The following NRXN1 variants were observed in gnomAD, a reference collection of about 807,000 sequenced individuals.
The protein encoded by NRXN1 is neurexin 1.
NRXN1 carries 39 observed loss-of-function variants against 150.9 expected under a neutral mutation model. The observed-to-expected ratio is 0.26, with a 90% confidence interval of 0.20 to 0.34. The LOEUF is 0.34. Ranked by LOEUF, NRXN1 falls within the 10% of genes least tolerant of loss-of-function variation. The probability of loss-of-function intolerance (pLI) is 1.00; values close to 1 mark genes in which losing one functional copy is unlikely to be tolerated. For synonymous variants in NRXN1, 924 were observed against 757.0 expected, an observed-to-expected ratio of 1.22 and a Z score of -3.62; for missense variants, 1,815 against 1,949.9, an observed-to-expected ratio of 0.93 and a Z score of 1.30.
chr2:50,280,690 G>C (rs910189055), intron 17 of NRXN1, among the ~76,000 whole-genome samples: 4 of 152,148 alleles, frequency 2.6e-5, no homozygotes, highest in African/African-American at 9.7e-5. Flanking sequence ...TTAAATCAGA[G>C]AAAATACTAT....
chr2:50,371,843 A>C (rs989407190), intron 17 of NRXN1, among the ~76,000 whole-genome samples: 2 of 152,020 alleles, frequency 1.3e-5, no homozygotes, highest in African/African-American at 4.8e-5. Context: ...CAGCCAATAA[A>C]TGGATTCCTT....
chr2:50,990,051 A>G (rs1359971512), intron 2 of NRXN1, among the ~76,000 whole-genome samples: 1 of 151,976 alleles, frequency 6.6e-6, no homozygotes, highest in Non-Finnish European at 1.5e-5. Flanking sequence ...TGTGACTTTA[A>G]TTTATGTTTA....
intron 21 of NRXN1, among the ~76,000 whole-genome samples, chr2:50,021,946 G>A (rs911165353): frequency 6.6e-6 from 1 of 152,206 alleles, no homozygotes; most frequent in East Asian, 1.9e-4. Flanking sequence ...CACTTCCAGG[G>A]TTCAAGAGAT....
chr2:50,051,954 C>A (rs539250950), intron 21 of NRXN1, among the ~76,000 whole-genome samples: 29 of 152,104 alleles, frequency 1.9e-4, no homozygotes, highest in African/African-American at 6.5e-4. Context: ...CATGTAGGTA[C>A]AATATATCCA....
At chr2:50,221,134 T>G (rs544622085) in intron 18 of NRXN1, among the ~76,000 whole-genome samples, 1 of 152,166 alleles carries the variant, frequency 6.6e-6, no homozygotes, top group Admixed American at 6.6e-5. Context: ...GTTATTTTAC[T>G]TTAGAATCTC....
intron 5 of NRXN1, among the ~76,000 whole-genome samples, chr2:50,813,231 C>T (rs561073098): frequency 2.0e-4 from 30 of 152,080 alleles, no homozygotes; most frequent in African/African-American, 6.5e-4. Flanking sequence ...TATGCATAAT[C>T]TCATGTTTGT....
chr2:50,472,491 T>A lies in NRXN1; in HGVS notation c.3071-20A>T. 1 of 1,602,206 alleles carries A rather than the reference T, an allele frequency of 6.2e-7. No homozygotes were observed. The highest frequency in any genetic ancestry group is 8.5e-7 in the Non-Finnish European group (1 of 1,171,770). Reference sequence around the variant, plus strand: ...AGTCACCTGCAAGAAGATCAAAGTCTTTGTTACAAAAGTACCATGTCATTG... The same window carrying A: ...AGTCACCTGCAAGAAGATCAAAGTCATTGTTACAAAAGTACCATGTCATTG... On this transcript the variant is annotated intron_variant, in intron 15 of 22. Coordinates refer to ENST00000401669, the MANE Select transcript of NRXN1 (RefSeq NM_001330078.2).
chr2:50,563,004 A>G (rs962678766), intron 8 of NRXN1, among the ~76,000 whole-genome samples: 2 of 152,162 alleles, frequency 1.3e-5, no homozygotes, highest in African/African-American at 4.8e-5. Flanking sequence ...TTTTTTCCTT[A>G]TGAAGATCCG....
At chr2:50,297,428 C>T (rs2073716809) in intron 17 of NRXN1, among the ~76,000 whole-genome samples, 1 of 152,036 alleles carries the variant, frequency 6.6e-6, no homozygotes, top group Non-Finnish European at 1.5e-5. Flanking sequence ...TTGCCTGTAC[C>T]TTACAAGCAT....
intron 17 of NRXN1, among the ~76,000 whole-genome samples, chr2:50,359,249 C>A (rs2882689): frequency 6.6e-6 from 1 of 151,582 alleles, no homozygotes; most frequent in African/African-American, 2.4e-5. Flanking sequence ...AACTGGACGG[C>A]GAATGAGTTT....
intron 5 of NRXN1, among the ~76,000 whole-genome samples, chr2:50,916,408 T>C: frequency 6.6e-6 from 1 of 151,500 alleles, no homozygotes; most frequent in East Asian, 2.0e-4. Context: ...AATTACATTG[T>C]TTTTTAACCT....
At chr2:50,617,219 A>G (rs925558307) in intron 8 of NRXN1, among the ~76,000 whole-genome samples, 2 of 152,054 alleles carry the variant, frequency 1.3e-5, no homozygotes, top group African/African-American at 4.8e-5. Context: ...AGATCACTTG[A>G]GGTCAGTAGT....
intron 5 of NRXN1, among the ~76,000 whole-genome samples, chr2:50,809,826 T>G (rs975501041): frequency 3.3e-5 from 5 of 152,208 alleles, no homozygotes; most frequent in African/African-American, 4.8e-5. Flanking sequence ...CCACCTCTCA[T>G]GAGTTGAATC....
intron 5 of NRXN1, among the ~76,000 whole-genome samples, chr2:50,853,287 A>C (rs918416157): frequency 6.6e-6 from 1 of 152,108 alleles, no homozygotes; most frequent in Non-Finnish European, 1.5e-5. Context: ...TTTCATAATG[A>C]AAATCTGCAT....
intron 5 of NRXN1, among the ~76,000 whole-genome samples, chr2:50,817,215 A>G (rs1243945450): frequency 6.6e-6 from 1 of 152,138 alleles, no homozygotes; most frequent in Non-Finnish European, 1.5e-5. Flanking sequence ...GGGGATTAAA[A>G]GAACCTACTG....
chr2:50,125,078 A>T (rs184476630), intron 18 of NRXN1, among the ~76,000 whole-genome samples: 1 of 151,608 alleles, frequency 6.6e-6, no homozygotes, highest in African/African-American at 2.4e-5. Context: ...ATGAGTTCTG[A>T]CTACTCCTTG....
At chr2:50,680,644 C>T (rs1043275849) in intron 5 of NRXN1, among the ~76,000 whole-genome samples, 10 of 151,740 alleles carry the variant, frequency 6.6e-5, no homozygotes, top group East Asian at 5.8e-4. Context: ...ATTACACAGC[C>T]TTTGTGAGAT....
At chr2:50,068,968 T>C (rs1336769741) in intron 19 of NRXN1, among the ~76,000 whole-genome samples, 1 of 152,146 alleles carries the variant, frequency 6.6e-6, no homozygotes, top group Non-Finnish European at 1.5e-5. Context: ...GGTTTATGCA[T>C]GCTACTTTTA....
chr2:49,953,777 G>A (rs1674417383), intron 21 of NRXN1, among the ~76,000 whole-genome samples: 2 of 152,008 alleles, frequency 1.3e-5, no homozygotes, highest in East Asian at 1.9e-4. Context: ...AAGTGCCCAC[G>A]ATGCAGTGTT....
Sources: gnomAD v4.1 joint callset for allele counts (sites outside exome capture counted in the v4.1 genomes callset) on GRCh38, gnomAD v4.1.1 for gene constraint, MANE v1.5 for transcripts, NCBI Gene and HGNC (gene_info 2026-07-23, HGNC 2026-07-21) for gene names.